The following TMEM117 variants were observed in gnomAD, a reference collection of about 807,000 sequenced individuals.
TMEM117 encodes transmembrane protein 117.
A neutral mutation model predicts 52.4 loss-of-function variants in TMEM117; 27 were observed. The observed-to-expected ratio is 0.51, with a 90% CI of 0.38 to 0.71. TMEM117 has a LOEUF of 0.71. Among genes scored for constraint, TMEM117 ranks in the 30% least tolerant of loss-of-function variants. TMEM117 has a pLI of 0.00. For missense variants in TMEM117, 556 were observed against 630.5 expected (o/e 0.88, Z 1.26); for synonymous variants, 215 against 206.3 (o/e 1.04, Z -0.36).
chr12:44,308,415 G>C (rs1950930327), intron 6 of TMEM117, among the ~76,000 whole-genome samples: 1 of 152,098 alleles, frequency 6.6e-6, no homozygotes, highest in African/African-American at 2.4e-5. Flanking sequence ...GGCCCTGGAA[G>C]TCTTGTGTAG....
At chr12:43,824,803 C>T in the TMEM117 span, among the ~76,000 whole-genome samples, 1 of 152,166 alleles carries the variant, frequency 6.6e-6, no homozygotes, top group African/African-American at 2.4e-5. Flanking sequence ...GTGGCGGGTG[C>T]CTGTAGTCCC....
intron 2 of TMEM117, among the ~76,000 whole-genome samples, chr12:43,895,211 A>T (rs1433055320): frequency 2.0e-5 from 3 of 152,052 alleles, no homozygotes; most frequent in African/African-American, 7.2e-5. Context: ...ATGTGTTCTC[A>T]TCCTTTAGCT....
chr12:44,054,768 T>C (rs901358405), intron 3 of TMEM117, among the ~76,000 whole-genome samples: 1 of 151,874 alleles, frequency 6.6e-6, no homozygotes, highest in Non-Finnish European at 1.5e-5. Context: ...ATACTTTAAG[T>C]TCTAGGGTAC....
intron 2 of TMEM117, among the ~76,000 whole-genome samples, chr12:43,879,536 A>G (rs1943859043): frequency 6.6e-6 from 1 of 152,174 alleles, no homozygotes; most frequent in Non-Finnish European, 1.5e-5. Context: ...GCGTATAGCT[A>G]ACCAGTAGAG....
At chr12:43,814,324 T>C in the TMEM117 span, among the ~76,000 whole-genome samples, 1 of 152,108 alleles carries the variant, frequency 6.6e-6, no homozygotes, top group African/African-American at 2.4e-5. Context: ...AACAGTATTA[T>C]CCCAGAATTG....
At chr12:44,263,877 G>T (rs1234140433) in intron 5 of TMEM117, 1 of 152,094 alleles carries the variant, frequency 6.6e-6, no homozygotes, top group African/African-American at 2.4e-5. Context: ...AAATAATCAA[G>T]AATACTTTTA....
At chr12:43,895,651 C>T (rs956442729) in intron 2 of TMEM117, among the ~76,000 whole-genome samples, 1 of 152,064 alleles carries the variant, frequency 6.6e-6, no homozygotes, top group African/African-American at 2.4e-5. Context: ...GAAAATTTGC[C>T]AGTCTCATGT....
the TMEM117 span, chr12:43,802,609 T>C: frequency 3.2e-6 from 2 of 620,356 alleles, no homozygotes; most frequent in Non-Finnish European, 5.6e-6. Context: ...TGTGGTAACA[T>C]AGAAAGTAAT....
intron 3 of TMEM117, among the ~76,000 whole-genome samples, chr12:43,986,380 G>T (rs904714894): frequency 2.6e-5 from 4 of 152,200 alleles, no homozygotes; most frequent in African/African-American, 9.6e-5. Context: ...TTAAATGATA[G>T]TATAACTGGA....
intron 4 of TMEM117, among the ~76,000 whole-genome samples, chr12:44,179,707 G>A (rs1046132316): frequency 6.6e-6 from 1 of 152,186 alleles, no homozygotes; most frequent in East Asian, 1.9e-4. Flanking sequence ...ACACACCCAG[G>A]AACAACGCTT....
At chr12:43,992,160 A>T (rs1046443943) in intron 3 of TMEM117, among the ~76,000 whole-genome samples, 3 of 152,186 alleles carry the variant, frequency 2.0e-5, no homozygotes, top group Middle Eastern at 3.4e-3. Context: ...GTGAATGAGT[A>T]AGATCCTGTC....
chr12:44,066,058 G>A (rs1003397475), intron 3 of TMEM117, among the ~76,000 whole-genome samples: 13 of 152,266 alleles, frequency 8.5e-5, no homozygotes, highest in African/African-American at 2.6e-4. Context: ...AAAAAGGAAA[G>A]TGGCATACAG....
chr12:43,862,649 G>C (rs1278084177), intron 2 of TMEM117, among the ~76,000 whole-genome samples: 4 of 152,184 alleles, frequency 2.6e-5, no homozygotes. Flanking sequence ...AAACAAAACA[G>C]GGAGCTGTGA....
intron 5 of TMEM117, among the ~76,000 whole-genome samples, chr12:44,245,871 T>C (rs138489693): frequency 6.4e-4 from 97 of 152,172 alleles, no homozygotes; most frequent in African/African-American, 2.2e-3. Flanking sequence ...CAGTTATTGG[T>C]TGGAAATGAC....
At position 44,240,976 on chromosome 12, in the gene TMEM117, G is replaced by A. The variant is rs116756106; in HGVS notation, c.608+29589G>A. On this transcript the variant is annotated intron_variant, in intron 5 of 7. Transcript: ENST00000266534. Reference sequence around the variant, plus strand: ...CTCCCCACTATTGAATCATGCATTGGATTAGAGTCTTCCCTTGTTATCCGT... The same window carrying A: ...CTCCCCACTATTGAATCATGCATTGAATTAGAGTCTTCCCTTGTTATCCGT... Among the ~76,000 whole-genome samples, 1,217 of 151,994 alleles carry A rather than the reference G, an allele frequency of 8.0e-3. 22 individuals carry two copies. Among genetic ancestry groups the A allele is most frequent in the African/African-American group, 0.027 (1,132 of 41,488 alleles).
chr12:44,257,670 T>C (rs1950275388), intron 5 of TMEM117, among the ~76,000 whole-genome samples: 1 of 152,148 alleles, frequency 6.6e-6, no homozygotes, highest in African/African-American at 2.4e-5. Flanking sequence ...CCAAATCAAC[T>C]ACTCCAACAT....
chr12:44,283,924 C>T (rs1425406534), intron 5 of TMEM117, among the ~76,000 whole-genome samples: 7 of 152,112 alleles, frequency 4.6e-5, no homozygotes, highest in Non-Finnish European at 8.8e-5. Flanking sequence ...CTGTGCTACT[C>T]TTAGGATAGG....
At chr12:43,939,887 G>A (rs1291635785) in intron 2 of TMEM117, among the ~76,000 whole-genome samples, 1 of 152,204 alleles carries the variant, frequency 6.6e-6, no homozygotes, top group Non-Finnish European at 1.5e-5. Context: ...GAAGGCAAAG[G>A]AGGAGCAAAA....
intron 6 of TMEM117, among the ~76,000 whole-genome samples, chr12:44,301,908 A>C (rs1950845096): frequency 6.6e-6 from 1 of 152,190 alleles, no homozygotes; most frequent in Admixed American, 6.5e-5. Context: ...CTGAAAGAAA[A>C]GGGGAGAGAG....
Sources: allele counts gnomAD v4.1 joint callset (sites outside exome capture counted in the v4.1 genomes callset), GRCh38; gene constraint gnomAD v4.1.1; transcripts MANE v1.5; gene names NCBI Gene and HGNC (gene_info 2026-07-23, HGNC 2026-07-21).